FRRS1L: variants seen among roughly 807,000 people sequenced by gnomAD.
FRRS1L encodes the protein DOMON domain-containing protein FRRS1L.
A neutral mutation model predicts 28.6 loss-of-function variants in FRRS1L; 22 were observed. The observed-to-expected ratio is 0.77, with a 90% CI of 0.55 to 1.10. The LOEUF is 1.10. Ranked by LOEUF, FRRS1L falls within the 50% of genes least tolerant of loss-of-function variation. The pLI is 0.00. For missense variants in FRRS1L, 380 were observed against 386.9 expected, an observed-to-expected ratio of 0.98 and a Z score of 0.15; for synonymous variants, 158 against 151.4, an observed-to-expected ratio of 1.04 and a Z score of -0.32.
At chr9:109,150,073 A>G (rs1193316120) in intron 1 of FRRS1L, 1 of 170,240 alleles carries the variant, frequency 5.9e-6, no homozygotes, top group African/African-American at 2.4e-5. Context: ...TAAGAGAAAA[A>G]AGTTAACAGT....
At chr9:109,166,692 C>A (rs1167253479) in intron 1 of FRRS1L, among the ~76,000 whole-genome samples, 1 of 152,082 alleles carries the variant, frequency 6.6e-6, no homozygotes, top group African/African-American at 2.4e-5. Flanking sequence ...GGGCGGCAGG[C>A]ATTGACAGCT....
chr9:109,157,720 G>C (rs1831429007), intron 1 of FRRS1L, among the ~76,000 whole-genome samples: 1 of 152,110 alleles, frequency 6.6e-6, no homozygotes, highest in Admixed American at 6.5e-5. Context: ...TTTATATTTT[G>C]CTGTACACCA....
intron 1 of FRRS1L, among the ~76,000 whole-genome samples, chr9:109,163,992 T>G (rs1295474578): frequency 7.9e-5 from 12 of 152,292 alleles, no homozygotes; most frequent in Non-Finnish European, 1.6e-4. Flanking sequence ...AAACAGGCTC[T>G]TTTCCTTTGC....
intron 1 of FRRS1L, among the ~76,000 whole-genome samples, chr9:109,153,226 T>C (rs1588101704): frequency 6.6e-6 from 1 of 152,180 alleles, no homozygotes; most frequent in African/African-American, 2.4e-5. Flanking sequence ...TAGAGGCTGG[T>C]CACTGGAAAA....
At chr9:109,148,463 C>A (rs1347385650) in intron 2 of FRRS1L, 1 of 152,150 alleles carries the variant, frequency 6.6e-6, no homozygotes, top group Non-Finnish European at 1.5e-5. Flanking sequence ...TGGATCCTTT[C>A]AGAACTGGCA....
At chr9:109,157,823 T>C (rs2118504290) in intron 1 of FRRS1L, among the ~76,000 whole-genome samples, 1 of 152,346 alleles carries the variant, frequency 6.6e-6, no homozygotes, top group Non-Finnish European at 1.5e-5. Context: ...CATAATTTGC[T>C]CCTTATGTTT....
At chr9:109,141,709 A>G (rs1831189664) in intron 3 of FRRS1L, 120 bp from the exon 4 acceptor site, 7 of 1,110,412 alleles carry the variant, frequency 6.3e-6, no homozygotes, top group Non-Finnish European at 8.9e-6. Flanking sequence ...AAATTCTTTT[A>G]AGTGCCATTA....
chr9:109,133,182 A>T lies in FRRS1L; in HGVS notation c.*4273T>A, dbSNP rs1831075329. 6.6e-6 allele frequency: 1 copy of T among 152,234 alleles called. No homozygotes were observed. The highest frequency in any genetic ancestry group is 1.5e-5 in the Non-Finnish European group (1 of 68,038). The allele number at this position is 152,234 out of a possible 1,614,324, so 9.4% of individuals were successfully genotyped here. A position where few individuals can be genotyped will look rare whatever the true frequency, so the allele number is the denominator to read the frequency against. ...TTTGACTCAGCGGAGCAATAAAAAA[A>T]GCACTGGGCTCCAAGTTAGAAGACC... On this transcript the variant is annotated 3_prime_UTR_variant, in exon 5 of 5. Transcript: ENST00000561981.
chr9:109,159,316 C>G (rs1341566979), intron 1 of FRRS1L, among the ~76,000 whole-genome samples: 1 of 151,978 alleles, frequency 6.6e-6, no homozygotes, highest in Admixed American at 6.6e-5. Context: ...CCAAAGTGCC[C>G]AGATATGTGG....
chr9:109,161,834 A>G (rs916197031), intron 1 of FRRS1L, among the ~76,000 whole-genome samples: 1 of 152,222 alleles, frequency 6.6e-6, no homozygotes, highest in Non-Finnish European at 1.5e-5. Context: ...GACGGCCTCA[A>G]TTTTTGTTCC....
intron 3 of FRRS1L, among the ~76,000 whole-genome samples, chr9:109,143,253 T>C (rs10979705): frequency 0.095 from 14,375 of 152,020 alleles, 938 homozygotes; most frequent in Middle Eastern, 0.16. Context: ...AGGTGGAGGC[T>C]GCAGTGAGCC....
intron 1 of FRRS1L, chr9:109,149,993 A>C: frequency 9.8e-6 from 3 of 306,402 alleles, no homozygotes; most frequent in Non-Finnish European, 1.2e-5. Flanking sequence ...GCACAATTTC[A>C]TATAACCACG....
intron 1 of FRRS1L, 59 bp from the exon 2 acceptor site, chr9:109,149,779 T>G: frequency 8.6e-7 from 1 of 1,161,892 alleles, no homozygotes; most frequent in Non-Finnish European, 1.3e-6. Context: ...CCAATGAGAA[T>G]TTTTAAAAAT....
rs1037156974 is a variant in FRRS1L at position 109,134,772 on chromosome 9, T to G, written c.*2683A>C. ...TGCTACTAAGCTGAAGTCTCTCTTTTGTTTTAACCTGTTTGTAGCTCAAAT... is the reference window on the plus strand; with the variant it reads ...TGCTACTAAGCTGAAGTCTCTCTTTGGTTTTAACCTGTTTGTAGCTCAAAT... On this transcript the variant is annotated 3_prime_UTR_variant, in exon 5 of 5. Transcript: ENST00000561981. 1 of 152,242 alleles carries G rather than the reference T, an allele frequency of 6.6e-6. No individual in the cohort carries two copies. The highest frequency in any genetic ancestry group is 6.5e-5 in the Admixed American group (1 of 15,288). The allele number at this position is 152,242 out of a possible 1,614,324, so 9.4% of individuals were successfully genotyped here. A position where few individuals can be genotyped will look rare whatever the true frequency, so the allele number is the denominator to read the frequency against.
intron 1 of FRRS1L, among the ~76,000 whole-genome samples, chr9:109,157,938 C>T (rs1831431889): frequency 6.6e-6 from 1 of 152,168 alleles, no homozygotes. Flanking sequence ...TTGTATAGTA[C>T]TTATGCATAT....
Position 109,131,870 on chromosome 9 carries a change from AAC to A in FRRS1L, c.*5583_*5584del, listed in dbSNP as rs1288945748. Reference sequence around the variant, plus strand: ...CTTTGGCCTAGTGCAGTGGTTCTCAAACATTTTTCCATTATGGTACATAAGGT... The same window carrying A: ...CTTTGGCCTAGTGCAGTGGTTCTCAAATTTTTCCATTATGGTACATAAGGT... On this transcript the variant is annotated 3_prime_UTR_variant, in exon 5 of 5. Transcript: ENST00000561981. 5 of 152,256 alleles carry A rather than the reference AAC, an allele frequency of 3.3e-5. No individual in the cohort carries two copies. The highest frequency in any genetic ancestry group is 7.3e-5 in the Non-Finnish European group (5 of 68,044). 9.4% of individuals were successfully genotyped at this position (152,256 alleles called of 1,614,324 possible).
Position 109,149,682 on chromosome 9 carries a change from C to A in FRRS1L, c.277G>T (p.Ala93Ser), listed in dbSNP as rs1329913284. Residue 93 changes from alanine to serine, a missense_variant, in exon 2 of 5, where the codon GCC becomes TCC. Coordinates refer to ENST00000561981, the MANE Select transcript of FRRS1L (RefSeq NM_014334.4). ...FPTAPPVDPFAKIKVDDCGKT... is the reference protein window; with the variant it reads ...FPTAPPVDPFSKIKVDDCGKT... The stretch of plus-strand genomic sequence containing the variant: ...CCACAGTCGTCCACTTTGATTTTGG[C>A]AAATGGATCCACAGGAGGAGCAGTA... 1 of 1,613,788 alleles carries A rather than the reference C, an allele frequency of 6.2e-7. No individual in the cohort carries two copies. The highest frequency in any genetic ancestry group is 1.1e-5 in the South Asian group (1 of 91,062).
At position 109,167,240 on chromosome 9, in the gene FRRS1L, G is replaced by T. The variant is rs757388680; in HGVS notation, c.-102C>A. 2.2e-6 allele frequency: 3 copies of T among 1,385,228 alleles called. No homozygotes were observed. The highest frequency in any genetic ancestry group is 2.8e-6 in the Non-Finnish European group (3 of 1,065,558). The allele number at this position is 1,385,228 out of a possible 1,614,324, so 85.8% of individuals were successfully genotyped here. A position where few individuals can be genotyped will look rare whatever the true frequency, so the allele number is the denominator to read the frequency against. Reference sequence around the variant, plus strand: ...CCGCCGAGGCCACCAGCACGCGCCCGCGCAGCCGCGGAGCCTCCCGCACCC... The same window carrying T: ...CCGCCGAGGCCACCAGCACGCGCCCTCGCAGCCGCGGAGCCTCCCGCACCC... On this transcript the variant is annotated 5_prime_UTR_variant, in exon 1 of 5. Coordinates refer to ENST00000561981, the MANE Select transcript of FRRS1L (RefSeq NM_014334.4).
chr9:109,141,253 C>T lies in FRRS1L; in HGVS notation c.709+90G>A. The T allele has an allele frequency of 4.1e-6, 6 of 1,448,680 alleles. No individual in the cohort carries two copies. The South Asian group carries it at 7.3e-5, about 18-fold the overall frequency. The allele number at this position is 1,448,680 out of a possible 1,614,324, so 89.7% of individuals were successfully genotyped here. On this transcript the variant is annotated intron_variant, in intron 4 of 4. Transcript: ENST00000561981. ...TAAATGATCCAGAGTGCTTATCGCTCTCTTGTGCACACAGTGTGACTTCAA... is the reference window on the plus strand; with the variant it reads ...TAAATGATCCAGAGTGCTTATCGCTTTCTTGTGCACACAGTGTGACTTCAA...
Sources: gnomAD v4.1 joint callset for allele counts (sites outside exome capture counted in the v4.1 genomes callset) on GRCh38, gnomAD v4.1.1 for gene constraint, MANE v1.5 for transcripts, NCBI Gene and HGNC (gene_info 2026-07-23, HGNC 2026-07-21) for gene names.